The following HERPUD2 variants were observed in gnomAD, a reference collection of about 807,000 sequenced individuals.
The protein encoded by HERPUD2 is HERPUD family member 2.
HERPUD2 carries 13 observed loss-of-function variants against 49.9 expected under a neutral mutation model. The ratio of observed to expected loss-of-function variants is 0.26; its 90% CI spans 0.17 to 0.41. The LOEUF is 0.41. Ranked by LOEUF, HERPUD2 falls within the 10% of genes least tolerant of loss-of-function variation. HERPUD2 has a pLI of 1.00. For synonymous variants in HERPUD2, 172 were observed against 171.4 expected, an observed-to-expected ratio of 1.00 and a Z score of -0.03; for missense variants, 449 against 492.2, an observed-to-expected ratio of 0.91 and a Z score of 0.83.
chr7:35,658,925 G>A (rs1007439822), intron 5 of HERPUD2, among the ~76,000 whole-genome samples: 21 of 152,144 alleles, frequency 1.4e-4, no homozygotes, highest in Non-Finnish European at 2.4e-4. Flanking sequence ...GGTTCCCAGG[G>A]TATTGTTAGA....
chr7:35,674,404 T>TATATATAGAGAG (rs1785711309), intron 2 of HERPUD2, among the ~76,000 whole-genome samples: 5 of 38,124 alleles, frequency 1.3e-4, no homozygotes, highest in Admixed American at 3.7e-4. Context: ...TATATATATA[T>TATATATAGAGAG]AGAGAGAGAG....
intron 5 of HERPUD2, among the ~76,000 whole-genome samples, chr7:35,647,551 AATCTGACGGGTAG>A (rs561417887): frequency 1.6e-3 from 247 of 152,286 alleles, no homozygotes; most frequent in African/African-American, 5.6e-3. Context: ...CAATACTTAA[AATCTGACGGGTAG>A]ATCTGACCAG....
chr7:35,673,162 T>A (rs1374922842), intron 3 of HERPUD2, 39 bp downstream of exon 3: 1 of 1,464,400 alleles, frequency 6.8e-7, no homozygotes, highest in Admixed American at 1.8e-5. Flanking sequence ...TCTCACATTC[T>A]GAATGTATCT....
intron 2 of HERPUD2, among the ~76,000 whole-genome samples, chr7:35,691,991 A>G (rs1428906091): frequency 6.6e-6 from 1 of 152,186 alleles, no homozygotes; most frequent in Non-Finnish European, 1.5e-5. Flanking sequence ...CACCCACTCA[A>G]CCTAGAAATG....
chr7:35,665,129 CT>C (rs1487760073), intron 5 of HERPUD2, among the ~76,000 whole-genome samples: 1 of 152,224 alleles, frequency 6.6e-6, no homozygotes, highest in Non-Finnish European at 1.5e-5. Flanking sequence ...GGGAGAACCA[CT>C]ACTCTCTTCA....
intron 6 of HERPUD2, among the ~76,000 whole-genome samples, chr7:35,636,352 T>C (rs1414320013): frequency 4.6e-5 from 7 of 152,230 alleles, no homozygotes; most frequent in Admixed American, 2.0e-4. Flanking sequence ...TTTAAGCCAG[T>C]ATGCTAATAC....
intron 2 of HERPUD2, among the ~76,000 whole-genome samples, chr7:35,678,566 G>C (rs190332388): frequency 6.6e-6 from 1 of 152,122 alleles, no homozygotes; most frequent in Admixed American, 6.5e-5. Context: ...CCCCTAAAGC[G>C]CTGGGATTAC....
chr7:35,640,003 C>T (rs115558912), intron 5 of HERPUD2, among the ~76,000 whole-genome samples: 2,009 of 152,210 alleles, frequency 0.013, 45 homozygotes, highest in African/African-American at 0.046. Context: ...GGACACAGGA[C>T]AACAGATGAC....
intron 2 of HERPUD2, among the ~76,000 whole-genome samples, chr7:35,690,136 T>G (rs1583574977): frequency 6.6e-6 from 1 of 152,230 alleles, no homozygotes; most frequent in Admixed American, 6.5e-5. Flanking sequence ...ACCTAAATTT[T>G]AGAATTATTT....
At chr7:35,663,288 T>C (rs1212611990) in intron 5 of HERPUD2, among the ~76,000 whole-genome samples, 3 of 152,208 alleles carry the variant, frequency 2.0e-5, no homozygotes, top group African/African-American at 7.2e-5. Flanking sequence ...TAATTTACTG[T>C]TCTTTTATTT....
At chr7:35,635,585 C>A in intron 6 of HERPUD2, 127 bp from the exon 7 acceptor site, 1 of 756,336 alleles carries the variant, frequency 1.3e-6, no homozygotes. Flanking sequence ...AACTCCTGCA[C>A]CACATTTCTT....
chr7:35,680,076 C>T (rs1308696770), intron 2 of HERPUD2, among the ~76,000 whole-genome samples: 1 of 152,184 alleles, frequency 6.6e-6, no homozygotes, highest in Non-Finnish European at 1.5e-5. Flanking sequence ...GGTTTTCTTG[C>T]TTCCATTCTA....
At position 35,667,484 on chromosome 7, in the gene HERPUD2, T is replaced by C. The variant is rs1294544298; in HGVS notation, c.444A>G (p.Gln148=). ...SEGLRQRTLP[Q]AQTDQAQSHQ... ...GACTCTGTGCTTGGTCAGTTTGTGCTTGTGGAAGGGTACGCTGCCTCAATC... is the reference window on the plus strand; with the variant it reads ...GACTCTGTGCTTGGTCAGTTTGTGCCTGTGGAAGGGTACGCTGCCTCAATC... The change falls in exon 5 of 9, where the codon CAA becomes CAG. Residue 148 remains glutamine, a synonymous_variant. Transcript: ENST00000311350. 4 of 1,614,038 alleles carry C rather than the reference T, an allele frequency of 2.5e-6. No homozygotes were observed. The highest frequency in any genetic ancestry group is 3.4e-6 in the Non-Finnish European group (4 of 1,179,914).
At chr7:35,692,757 C>T (rs1474045325) in intron 2 of HERPUD2, among the ~76,000 whole-genome samples, 2 of 152,156 alleles carry the variant, frequency 1.3e-5, no homozygotes, top group Non-Finnish European at 2.9e-5. Flanking sequence ...CGTCCTATTT[C>T]TGTGGTTCTT....
At chr7:35,643,648 A>C (rs2115850377) in intron 5 of HERPUD2, among the ~76,000 whole-genome samples, 1 of 152,048 alleles carries the variant, frequency 6.6e-6, no homozygotes, top group Middle Eastern at 3.4e-3. Context: ...ATTTTCCACA[A>C]AGAAACCAAT....
intron 6 of HERPUD2, among the ~76,000 whole-genome samples, chr7:35,637,254 A>G (rs1200581291): frequency 1.3e-5 from 2 of 152,210 alleles, no homozygotes; most frequent in African/African-American, 4.8e-5. Flanking sequence ...TAAAAAGACT[A>G]AAAGGAGAAA....
At position 35,632,783 on chromosome 7, in the gene HERPUD2, T is replaced by C. The variant is rs1342313867; in HGVS notation, c.*907A>G. ...GTTAATTCCATTGAAGAGCTGCCTT[T>C]TTCTGTTAAGGTACTGATTCCAATT... On this transcript the variant is annotated 3_prime_UTR_variant, in exon 9 of 9. Transcript: ENST00000311350. 6.6e-6 allele frequency: 1 copy of C among 152,618 alleles called. No homozygotes were observed. The highest frequency in any genetic ancestry group is 2.4e-5 in the African/African-American group (1 of 41,442). The allele number at this position is 152,618 out of a possible 1,614,324, so 9.5% of individuals were successfully genotyped here.
At chr7:35,672,164 T>G (rs1785657261) in intron 3 of HERPUD2, among the ~76,000 whole-genome samples, 1 of 151,804 alleles carries the variant, frequency 6.6e-6, no homozygotes, top group Non-Finnish European at 1.5e-5. Flanking sequence ...GGGATGCTGA[T>G]AGTGGGGCAG....
At chr7:35,644,096 A>G (rs1785010573) in intron 5 of HERPUD2, among the ~76,000 whole-genome samples, 1 of 152,192 alleles carries the variant, frequency 6.6e-6, no homozygotes, top group Non-Finnish European at 1.5e-5. Flanking sequence ...AGGGACTAGG[A>G]TGTTTTAGCA....
Sources: allele counts gnomAD v4.1 joint callset (sites outside exome capture counted in the v4.1 genomes callset), GRCh38; gene constraint gnomAD v4.1.1; transcripts MANE v1.5; gene names NCBI Gene and HGNC (gene_info 2026-07-23, HGNC 2026-07-21).